The following ACOX2 variants were observed in gnomAD, a reference collection of about 807,000 sequenced individuals.
ACOX2 encodes the protein peroxisomal acyl-coenzyme A oxidase 2.
A neutral mutation model predicts 77.5 loss-of-function variants in ACOX2; 59 were observed. The observed-to-expected ratio is 0.76, with a 90% CI of 0.62 to 0.95. ACOX2 has a LOEUF of 0.95. Among genes scored for constraint, ACOX2 ranks in the 40% least tolerant of loss-of-function variants. The pLI, the probability that ACOX2 is intolerant of heterozygous loss-of-function variation, is 0.00. For missense variants in ACOX2, 837 were observed against 880.4 expected (o/e 0.95, Z 0.62); for synonymous variants, 317 against 340.1 (o/e 0.93, Z 0.75).
Position 58,505,393 on chromosome 3 carries a change from A to C in ACOX2, c.1984-107T>G. Reference sequence around the variant, plus strand: ...GCTTCAAAAAGTAACATTACGTAAGATTCTTAATTTTAAAAATTATTTCTA... The same window carrying C: ...GCTTCAAAAAGTAACATTACGTAAGCTTCTTAATTTTAAAAATTATTTCTA... On this transcript the variant is annotated intron_variant, in intron 14 of 14. Transcript: ENST00000302819. This position sits in a 1 kb window ranked among gnomAD's most constrained non-coding sequence, Gnocchi z 4.4. 3 of 895,414 alleles carry C rather than the reference A, an allele frequency of 3.4e-6. No homozygotes were observed. The highest frequency in any genetic ancestry group is 1.7e-6 in the Non-Finnish European group (1 of 603,808). 55.5% of individuals were successfully genotyped at this position (895,414 alleles called of 1,614,324 possible). A position where few individuals can be genotyped will look rare whatever the true frequency, so the allele number is the denominator to read the frequency against.
rs1465692508 is a variant in ACOX2 at position 58,525,602 on chromosome 3, A to C, written c.1346+864T>G. 3.3e-5 allele frequency among the ~76,000 whole-genome samples: 5 copies of C among 152,230 alleles called. No homozygotes were observed. The highest frequency in any genetic ancestry group is 7.3e-5 in the Non-Finnish European group (5 of 68,040). On this transcript the variant is annotated intron_variant, in intron 10 of 14. Coordinates refer to ENST00000302819, the MANE Select transcript of ACOX2 (RefSeq NM_003500.4). The surrounding 1 kb of genome is among the most constrained non-coding windows in gnomAD (Gnocchi z 5.0). Reference sequence around the variant, plus strand: ...AATCTAGTTGGAGAGTAGAGCTAAAAAGGTGAACAAAAAAATGAGACAATG... The same window carrying C: ...AATCTAGTTGGAGAGTAGAGCTAAACAGGTGAACAAAAAAATGAGACAATG...
Position 58,525,107 on chromosome 3 carries a change from T to C in ACOX2, c.1347-502A>G, listed in dbSNP as rs2108002284. ...TACAGCCTCGCCGAGACCTGTGTGA[T>C]GAAAGAAGCTTCACCTCCCAAGTCT... On this transcript the variant is annotated intron_variant, in intron 10 of 14. Transcript: ENST00000302819. The surrounding 1 kb of genome is among the most constrained non-coding windows in gnomAD (Gnocchi z 5.0). 6.6e-6 allele frequency among the ~76,000 whole-genome samples: 1 copy of C among 152,176 alleles called. No individual in the cohort carries two copies. The highest frequency in any genetic ancestry group is 1.5e-5 in the Non-Finnish European group (1 of 67,984).
intron 5 of ACOX2, among the ~76,000 whole-genome samples, chr3:58,532,667 G>A (rs897866565): frequency 3.9e-5 from 6 of 152,168 alleles, no homozygotes; most frequent in African/African-American, 1.2e-4. Context: ...TTATAGGCAT[G>A]AGCCACCGCA....
chr3:58,526,001 T>G lies in ACOX2; in HGVS notation c.1346+465A>C, dbSNP rs1353636114. On this transcript the variant is annotated intron_variant, in intron 10 of 14. Coordinates refer to ENST00000302819, the MANE Select transcript of ACOX2 (RefSeq NM_003500.4). The surrounding 1 kb of genome is among the most constrained non-coding windows in gnomAD (Gnocchi z 4.3). ...CACTGCACTCCAGCCTGGGTGACAG[T>G]GAGACTCCATCTCAAAAAAAAAAAG... 6.7e-6 allele frequency among the ~76,000 whole-genome samples: 1 copy of G among 150,128 alleles called. No individual in the cohort carries two copies. Among genetic ancestry groups the G allele is most frequent in the African/African-American group, 2.5e-5 (1 of 40,664 alleles).
In ACOX2 at chr3:58,530,627, A is replaced by T; in HGVS notation, c.831T>A (p.Asp277Glu). 6.2e-7 allele frequency: 1 copy of T among 1,614,120 alleles called. No individual in the cohort carries two copies. Among genetic ancestry groups the T allele is most frequent in the Non-Finnish European group, 8.5e-7 (1 of 1,179,962 alleles). Residue 277 changes from aspartate (D) to glutamate (E), a missense_variant, in exon 8 of 15, where the codon GAT (aspartate) becomes GAA (glutamate). By Grantham distance (45) the Asp-to-Glu change is conservative. Transcript: ENST00000302819. ...MLSRFAQVLP[D>E]GTYVKLGTAQ... is the part of the protein sequence containing the mutation. Reference sequence around the variant, plus strand: ...CTGTACCGAGTTTGACGTAGGTGCCATCTGGCAAGACCTGTGTGGAACAAG... The same window carrying T: ...CTGTACCGAGTTTGACGTAGGTGCCTTCTGGCAAGACCTGTGTGGAACAAG...
Position 58,505,398 on chromosome 3 carries a change from TAA to T in ACOX2, c.1984-114_1984-113del. The T allele has an allele frequency of 1.2e-6, 1 of 862,478 alleles. No individual in the cohort carries two copies. Among genetic ancestry groups the T allele is most frequent in the Non-Finnish European group, 1.7e-6 (1 of 579,218 alleles). The allele number at this position is 862,478 out of a possible 1,614,324, so 53.4% of individuals were successfully genotyped here. On this transcript the variant is annotated intron_variant, in intron 14 of 14. Transcript: ENST00000302819. The surrounding 1 kb of genome is among the most constrained non-coding windows in gnomAD (Gnocchi z 4.4). ...AAAAAGTAACATTACGTAAGATTCT[TAA>T]TTTTAAAAATTATTTCTAAGACTCA...
At position 58,526,519 on chromosome 3, in the gene ACOX2, C is replaced by T. The variant is rs772915511; in HGVS notation, c.1293G>A (p.Ser431=). The T allele has an allele frequency of 2.3e-5, 37 of 1,613,988 alleles. No homozygotes were observed. In the African/African-American group the frequency reaches 2.7e-4, roughly 12 times the overall value. ...SGLPSLVTKL[S]ASCTYEGENT... ...TCTCACCCTCGTAGGTACAGGAGGCCGACAATTTGGTGACCAGTGATGGCA... is the reference window on the plus strand; with the variant it reads ...TCTCACCCTCGTAGGTACAGGAGGCTGACAATTTGGTGACCAGTGATGGCA... The change falls in exon 10 of 15, where the codon TCG becomes TCA. Residue 431 remains serine (S), a synonymous_variant. Coordinates refer to ENST00000302819, the MANE Select transcript of ACOX2 (RefSeq NM_003500.4). The surrounding 1 kb of genome is among the most constrained non-coding windows in gnomAD (Gnocchi z 4.3).
In ACOX2 at chr3:58,517,206, C is replaced by T. The variant is rs756958019; in HGVS notation, c.1850G>A (p.Arg617Gln). The T allele has an allele frequency of 7.4e-6, 12 of 1,613,470 alleles. No individual in the cohort carries two copies. The highest frequency in any genetic ancestry group is 2.2e-5 in the East Asian group (1 of 44,888). ...ATGGTTTGAAGTCTCTGCCACTCAC[C>T]GGATCAGGCGGAGCAGGTCCAGGTA... is the stretch of plus-strand genomic sequence containing the variant. ...TAYLDLLRLI[R>Q]KDAILLTDAF... Residue 617 changes from arginine (R) to glutamine (Q), a missense_variant and splice_region_variant, in exon 13 of 15, where the codon CGG becomes CAG. Arg to Gln is a conservative substitution (Grantham distance 43, BLOSUM62 1). Transcript: ENST00000302819.
chr3:58,517,432 A>G lies in ACOX2; in HGVS notation c.1633-9T>C, dbSNP rs1470521949. 2 of 1,612,384 alleles carry G rather than the reference A, an allele frequency of 1.2e-6. No homozygotes were observed. The highest frequency in any genetic ancestry group is 4.5e-5 in the East Asian group (2 of 44,864). On this transcript the variant is annotated splice_polypyrimidine_tract_variant and intron_variant, in intron 12 of 14. Coordinates refer to ENST00000302819, the MANE Select transcript of ACOX2 (RefSeq NM_003500.4). The stretch of plus-strand genomic sequence containing the variant: ...ACATAGTAGCAGTGCACCTACAAAG[A>G]CACAAAGATATGTTCTCCTGATTTC...
At position 58,522,048 on chromosome 3, in the gene ACOX2, G is replaced by C. The variant is rs1279288669; in HGVS notation, c.1632+448C>G. Among the ~76,000 whole-genome samples, 1 of 152,222 alleles carries C rather than the reference G, an allele frequency of 6.6e-6. No homozygotes were observed. Among genetic ancestry groups the C allele is most frequent in the African/African-American group, 2.4e-5 (1 of 41,456 alleles). Reference sequence around the variant, plus strand: ...TATTTCCCTGTCATGGTGCTTCCTTGATTGTAGCCGTGCATGGGCAGTGGC... The same window carrying C: ...TATTTCCCTGTCATGGTGCTTCCTTCATTGTAGCCGTGCATGGGCAGTGGC... On this transcript the variant is annotated intron_variant, in intron 12 of 14. Coordinates refer to ENST00000302819, the MANE Select transcript of ACOX2 (RefSeq NM_003500.4). This position sits in a 1 kb window ranked among gnomAD's most constrained non-coding sequence, Gnocchi z 4.3.
At chr3:58,518,115 A>G (rs1052139265) in intron 12 of ACOX2, among the ~76,000 whole-genome samples, 1 of 151,512 alleles carries the variant, frequency 6.6e-6, no homozygotes, top group African/African-American at 2.4e-5. Context: ...AGAAAAGAAA[A>G]TAGCTATTTG....
chr3:58,507,752 T>C (rs888616954), intron 14 of ACOX2, among the ~76,000 whole-genome samples: 1 of 152,248 alleles, frequency 6.6e-6, no homozygotes, highest in Admixed American at 6.5e-5. Flanking sequence ...ATATTGTTTA[T>C]ATTTCCTTGA....
chr3:58,505,505 A>G lies in ACOX2; in HGVS notation c.1984-219T>C, dbSNP rs928313766. ...CATGCAGATTTTAAATTGTGGATGC[A>G]GGTGGCCAATTAAAAACACAGCTTA... On this transcript the variant is annotated intron_variant, in intron 14 of 14. Transcript: ENST00000302819. This position sits in a 1 kb window ranked among gnomAD's most constrained non-coding sequence, Gnocchi z 4.4. 2.0e-5 allele frequency among the ~76,000 whole-genome samples: 3 copies of G among 152,242 alleles called. No individual in the cohort carries two copies. Among genetic ancestry groups the G allele is most frequent in the African/African-American group, 7.2e-5 (3 of 41,456 alleles).
At chr3:58,530,766 G>A in intron 7 of ACOX2, 128 bp from the exon 8 acceptor site, 3 of 1,204,684 alleles carry the variant, frequency 2.5e-6, no homozygotes, top group Non-Finnish European at 3.5e-6. Context: ...TGGAGTTGGA[G>A]TGTTAAAATA....
chr3:58,509,199 A>G (rs191830163), intron 13 of ACOX2, among the ~76,000 whole-genome samples, 174 bp from the exon 14 acceptor site: 1 of 151,922 alleles, frequency 6.6e-6, no homozygotes, highest in African/African-American at 2.4e-5. Flanking sequence ...GCATAGTATA[A>G]TGAGTCAAAG....
In ACOX2 at chr3:58,526,406, A is replaced by C; in HGVS notation, c.1346+60T>G. 6.6e-7 allele frequency: 1 copy of C among 1,519,396 alleles called. No homozygotes were observed. The highest frequency in any genetic ancestry group is 1.3e-5 in the South Asian group (1 of 77,974). 94.1% of individuals were successfully genotyped at this position (1,519,396 alleles called of 1,614,324 possible). On this transcript the variant is annotated intron_variant, in intron 10 of 14. Coordinates refer to ENST00000302819, the MANE Select transcript of ACOX2 (RefSeq NM_003500.4). This position sits in a 1 kb window ranked among gnomAD's most constrained non-coding sequence, Gnocchi z 4.3. ...GGCCTCAGACGGAACCCTCCACCCA[A>C]CAGAAGCTTGGTGGGTCCCCAAGGG...
intron 8 of ACOX2, 24 bp downstream of exon 8, chr3:58,530,442 A>C (rs1370147496): frequency 1.2e-6 from 2 of 1,609,832 alleles, no homozygotes; most frequent in African/African-American, 2.7e-5. Context: ...TATCTGCGGT[A>C]GTCAGTCACT....
At position 58,519,650 on chromosome 3, in the gene ACOX2, T is replaced by A. The variant is rs1349796073; in HGVS notation, c.1633-2227A>T. On this transcript the variant is annotated intron_variant, in intron 12 of 14. Coordinates refer to ENST00000302819, the MANE Select transcript of ACOX2 (RefSeq NM_003500.4). The surrounding 1 kb of genome is among the most constrained non-coding windows in gnomAD (Gnocchi z 5.0). ...AGAATTTGCTCTGTGGGACTGGGAG[T>A]CTTCAGCTGGGCAGTGACCCGATCC... Among the ~76,000 whole-genome samples the A allele has an allele frequency of 6.6e-6, 1 of 151,772 alleles. No individual in the cohort carries two copies. The highest frequency in any genetic ancestry group is 1.9e-4 in the East Asian group (1 of 5,166).
At position 58,531,367 on chromosome 3, in the gene ACOX2, C is replaced by G; in HGVS notation, c.704-1G>C. 1 of 1,612,634 alleles carries G rather than the reference C, an allele frequency of 6.2e-7. No individual in the cohort carries two copies. ...GGTCCGATGTCCCCAATGATGATTC[C>G]TTGAAGGAGATGGAGATGAGGACAC... On this transcript the variant is annotated splice_acceptor_variant, in intron 6 of 14. Transcript: ENST00000302819. LOFTEE classifies it high-confidence loss of function. This position sits in a 1 kb window ranked among gnomAD's most constrained non-coding sequence, Gnocchi z 5.8.
Sources: gnomAD v4.1 joint callset for allele counts (sites outside exome capture counted in the v4.1 genomes callset) on GRCh38, gnomAD v4.1.1 for gene constraint, Gnocchi (gnomAD v3.1) non-coding constraint, MANE v1.5 for transcripts, NCBI Gene and HGNC (gene_info 2026-07-23, HGNC 2026-07-21) for gene names.